The following AGBL4 variants were observed in gnomAD, a reference collection of about 807,000 sequenced individuals.
The protein encoded by AGBL4 is AGBL carboxypeptidase 4.
In AGBL4, 58 loss-of-function variants were observed where a neutral mutation model predicts 66.4. The observed-to-expected ratio is 0.87, with a 90% confidence interval of 0.71 to 1.09. AGBL4 has a LOEUF of 1.09. Ranked by LOEUF, AGBL4 falls within the 50% of genes least tolerant of loss-of-function variation. The probability of loss-of-function intolerance (pLI) is 0.00; values close to 1 mark genes in which losing one functional copy is unlikely to be tolerated. For missense variants in AGBL4, 579 were observed against 631.0 expected (o/e 0.92, Z 0.88); for synonymous variants, 234 against 222.9 (o/e 1.05, Z -0.44).
intron 1 of AGBL4, among the ~76,000 whole-genome samples, chr1:49,976,718 T>C (rs1658587079): frequency 6.6e-6 from 1 of 152,226 alleles, no homozygotes; most frequent in South Asian, 2.1e-4. Flanking sequence ...TTAAGGAATA[T>C]AAAATTCCTA....
chr1:48,871,353 T>TTTTGTGTGTG (rs1553247481), intron 5 of AGBL4, among the ~76,000 whole-genome samples: 3 of 140,978 alleles, frequency 2.1e-5, no homozygotes, highest in Admixed American at 7.0e-5. Flanking sequence ...GTAGTAGTGG[T>TTTTGTGTGTG]TGTGTGTGTG....
intron 9 of AGBL4, among the ~76,000 whole-genome samples, chr1:48,627,877 C>A (rs1417970399): frequency 6.6e-6 from 1 of 152,144 alleles, no homozygotes; most frequent in South Asian, 2.1e-4. Flanking sequence ...CCCAGACAGA[C>A]CCTGGGGGAT....
At chr1:49,455,214 G>A (rs1340423308) in intron 3 of AGBL4, among the ~76,000 whole-genome samples, 3 of 151,730 alleles carry the variant, frequency 2.0e-5, no homozygotes, top group East Asian at 1.9e-4. Context: ...GAAGTACAGA[G>A]AGGAGAGCAC....
At chr1:49,851,586 G>A in intron 1 of AGBL4, 68 bp from the exon 2 acceptor site, 1 of 1,470,560 alleles carries the variant, frequency 6.8e-7, no homozygotes, top group South Asian at 1.3e-5. Context: ...GATTTTTACT[G>A]TTAATTACCC....
In AGBL4 at chr1:50,021,798, A is replaced by T. The variant is rs35999033; in HGVS notation, c.34+1965T>A. Among the ~76,000 whole-genome samples the T allele has an allele frequency of 7.9e-3, 1,202 of 152,068 alleles. 7 individuals are homozygous for T. Among genetic ancestry groups the T allele is most frequent in the Non-Finnish European group, 0.011 (781 of 67,988 alleles). On this transcript the variant is annotated intron_variant, in intron 1 of 13. Transcript: ENST00000371839. The stretch of plus-strand genomic sequence containing the variant: ...CACATTGTAGCCAGAGTTATTTTTT[A>T]ATTATTCTAATCATGGCATGCTCCC...
intron 1 of AGBL4, among the ~76,000 whole-genome samples, chr1:49,955,128 T>C (rs1328395820): frequency 6.6e-6 from 1 of 151,920 alleles, no homozygotes; most frequent in African/African-American, 2.4e-5. Context: ...AGACAAAGGA[T>C]TTTTAATGGA....
chr1:48,587,595 T>C (rs1164381144), intron 10 of AGBL4, among the ~76,000 whole-genome samples: 1 of 151,492 alleles, frequency 6.6e-6, no homozygotes, highest in Non-Finnish European at 1.5e-5. Flanking sequence ...AGACCATGTC[T>C]CTATTCTTTT....
At chr1:49,008,849 A>G (rs2149001955) in intron 5 of AGBL4, among the ~76,000 whole-genome samples, 1 of 152,154 alleles carries the variant, frequency 6.6e-6, no homozygotes, top group African/African-American at 2.4e-5. Flanking sequence ...GACACAACAT[A>G]CCATTATCTG....
At chr1:49,791,589 A>T (rs1352569638) in intron 2 of AGBL4, among the ~76,000 whole-genome samples, 2 of 152,008 alleles carry the variant, frequency 1.3e-5, no homozygotes, top group African/African-American at 4.8e-5. Flanking sequence ...TTATAGTTTC[A>T]TCTTTTGCCA....
intron 5 of AGBL4, among the ~76,000 whole-genome samples, chr1:48,901,342 T>C (rs1570958886): frequency 6.6e-6 from 1 of 152,222 alleles, no homozygotes. Context: ...AACTATCATA[T>C]GATCCAGACA....
intron 6 of AGBL4, among the ~76,000 whole-genome samples, chr1:48,670,266 C>T (rs1646255974): frequency 6.6e-6 from 1 of 152,138 alleles, no homozygotes; most frequent in Admixed American, 6.5e-5. Flanking sequence ...CAGAACTGCA[C>T]AGCCTGTGAG....
At chr1:48,987,406 A>G (rs557895892) in intron 5 of AGBL4, among the ~76,000 whole-genome samples, 5 of 152,212 alleles carry the variant, frequency 3.3e-5, no homozygotes, top group Non-Finnish European at 7.4e-5. Context: ...AGCAAAGAAT[A>G]TTACCAGGGA....
intron 3 of AGBL4, among the ~76,000 whole-genome samples, chr1:49,437,053 C>T (rs1258624686): frequency 6.6e-6 from 1 of 152,118 alleles, no homozygotes; most frequent in African/African-American, 2.4e-5. Flanking sequence ...TAGAATTCCA[C>T]GGTGGTGGGG....
chr1:49,334,761 C>T (rs1376125970), intron 3 of AGBL4, among the ~76,000 whole-genome samples: 1 of 152,158 alleles, frequency 6.6e-6, no homozygotes, highest in African/African-American at 2.4e-5. Context: ...GCAAGACTGT[C>T]AGCCAGAGAA....
intron 6 of AGBL4, among the ~76,000 whole-genome samples, chr1:48,726,412 A>G (rs919609890): frequency 1.3e-5 from 2 of 152,326 alleles, no homozygotes; most frequent in South Asian, 2.1e-4. Context: ...ATGCCCTTAA[A>G]TGAACATATC....
At chr1:49,279,232 T>C (rs1644228959) in intron 3 of AGBL4, among the ~76,000 whole-genome samples, 1 of 152,192 alleles carries the variant, frequency 6.6e-6, no homozygotes, top group Admixed American at 6.5e-5. Context: ...TCATGACTGA[T>C]TGATTGAAAA....
At chr1:49,742,542 A>G (rs1650599121) in intron 2 of AGBL4, among the ~76,000 whole-genome samples, 1 of 151,714 alleles carries the variant, frequency 6.6e-6, no homozygotes, top group Non-Finnish European at 1.5e-5. Context: ...ACAGAATTGG[A>G]AAAAACTACT....
intron 3 of AGBL4, among the ~76,000 whole-genome samples, chr1:49,466,776 G>A (rs1341024241): frequency 6.6e-6 from 1 of 151,792 alleles, no homozygotes. Flanking sequence ...CCTCATTACA[G>A]AAAGACTTAA....
chr1:48,662,105 C>A (rs148251794), intron 7 of AGBL4, among the ~76,000 whole-genome samples: 1 of 152,282 alleles, frequency 6.6e-6, no homozygotes, highest in East Asian at 1.9e-4. Flanking sequence ...TGTAAGAATA[C>A]GAACTGGGAA....
Sources: gnomAD v4.1 joint callset for allele counts (sites outside exome capture counted in the v4.1 genomes callset) on GRCh38, gnomAD v4.1.1 for gene constraint, MANE v1.5 for transcripts, NCBI Gene and HGNC (gene_info 2026-07-23, HGNC 2026-07-21) for gene names.